Variants in TTC7A observed in about 807,000 individuals in gnomAD.
TTC7A encodes the protein tetratricopeptide repeat domain 7A.
TTC7A carries 110 observed loss-of-function variants against 103.7 expected under a neutral mutation model. The ratio of observed to expected loss-of-function variants is 1.06; its 90% CI spans 0.91 to 1.24. The LOEUF (loss-of-function observed/expected upper bound fraction) is 1.24. Ranked by LOEUF, TTC7A falls within the 50% of genes most tolerant of loss-of-function variation. TTC7A has a pLI of 0.00. For synonymous variants in TTC7A, 521 were observed against 467.9 expected (o/e 1.11, Z -1.47); for missense variants, 1,340 against 1,116.3 (o/e 1.20, Z -2.86).
intron 11 of TTC7A, among the ~76,000 whole-genome samples, chr2:47,014,919 C>A (rs1241176405): frequency 6.6e-6 from 1 of 152,276 alleles, no homozygotes; most frequent in Non-Finnish European, 1.5e-5. Context: ...CTGTTGGACA[C>A]CCCATACCGG....
chr2:47,014,942 G>C (rs72806580), intron 11 of TTC7A, among the ~76,000 whole-genome samples: 34,331 of 152,286 alleles, frequency 0.23, 4,050 homozygotes, highest in African/African-American at 0.29. Context: ...CTGGGTCTGA[G>C]AGCAAGGTTG....
intron 19 of TTC7A, among the ~76,000 whole-genome samples, chr2:47,070,039 G>A (rs543581504): frequency 1.5e-5 from 2 of 136,850 alleles, no homozygotes; most frequent in African/African-American, 5.7e-5. Flanking sequence ...CTGGCCTAGC[G>A]CCAAGGCTGC....
intron 14 of TTC7A, 120 bp downstream of exon 14, chr2:47,024,479 T>G: frequency 2.3e-6 from 2 of 868,042 alleles, no homozygotes; most frequent in Non-Finnish European, 3.5e-6. Flanking sequence ...GTTTGTTTCC[T>G]TATCTGTCAT....
intron 5 of TTC7A, among the ~76,000 whole-genome samples, chr2:46,982,659 A>G (rs1674590709): frequency 6.6e-6 from 1 of 152,154 alleles, no homozygotes; most frequent in South Asian, 2.1e-4. Context: ...CCACCCACCC[A>G]TCCACCAGGG....
intron 8 of TTC7A, among the ~76,000 whole-genome samples, chr2:47,001,592 C>T (rs890186382): frequency 6.6e-6 from 1 of 152,262 alleles, no homozygotes; most frequent in African/African-American, 2.4e-5. Context: ...AGCGGTGGCT[C>T]ACGCCTGTAA....
chr2:46,938,992 C>T (rs897482690), upstream of TTC7A, among the ~76,000 whole-genome samples: 116 of 139,290 alleles, frequency 8.3e-4, no homozygotes, highest in African/African-American at 2.9e-3. Flanking sequence ...GCCTGGGCAA[C>T]AGAGCGAGAC....
At chr2:47,036,686 G>T (rs72808509) in intron 15 of TTC7A, among the ~76,000 whole-genome samples, 3,248 of 152,244 alleles carry the variant, frequency 0.021, 49 homozygotes, top group Non-Finnish European at 0.035. Context: ...GCAAGACCTC[G>T]TCTGTACAAA....
chr2:47,008,019 G>A (rs970073132), intron 10 of TTC7A, among the ~76,000 whole-genome samples: 6 of 152,228 alleles, frequency 3.9e-5, no homozygotes, highest in Admixed American at 1.3e-4. Flanking sequence ...CGAGCTGGCC[G>A]TGGGGATGGG....
At chr2:47,005,872 C>A in intron 8 of TTC7A, 50 bp from the exon 9 acceptor site, 4 of 1,605,796 alleles carry the variant, frequency 2.5e-6, no homozygotes, top group Non-Finnish European at 3.4e-6. Flanking sequence ...AAGACAGACA[C>A]CTGCTTATCT....
In TTC7A at chr2:46,941,753, G is replaced by C. The variant is rs6755386; in HGVS notation, c.184+28G>C. On this transcript the variant is annotated intron_variant, in intron 1 of 19. Coordinates refer to ENST00000319190, the MANE Select transcript of TTC7A (RefSeq NM_020458.4). The surrounding 1 kb of genome is among the most constrained non-coding windows in gnomAD (Gnocchi z 4.2). Reference sequence around the variant, plus strand: ...GAGTAAGGGAAGAGGCTGGCTCGCCGGCAGCGAGCGCGCGAAACGCACCGC... The same window carrying C: ...GAGTAAGGGAAGAGGCTGGCTCGCCCGCAGCGAGCGCGCGAAACGCACCGC... 77,392 of 1,546,984 alleles carry C rather than the reference G, an allele frequency of 0.05. 2,195 individuals carry two copies. The highest frequency in any genetic ancestry group is 0.093 in the African/African-American group (6,779 of 73,020).
At chr2:47,045,507 T>C (rs1220127183) in intron 15 of TTC7A, 1 of 152,268 alleles carries the variant, frequency 6.6e-6, no homozygotes, top group African/African-American at 2.4e-5. Flanking sequence ...CCCACACTGG[T>C]CTTACCTCAG....
At chr2:46,942,746 T>A (rs146831893) in intron 1 of TTC7A, among the ~76,000 whole-genome samples, 7 of 152,168 alleles carry the variant, frequency 4.6e-5, no homozygotes, top group Non-Finnish European at 8.8e-5. Flanking sequence ...TCTGAGTACA[T>A]CCTTTAAATC....
chr2:47,042,613 T>C (rs1573004449), intron 15 of TTC7A, among the ~76,000 whole-genome samples: 1 of 152,298 alleles, frequency 6.6e-6, no homozygotes, highest in South Asian at 2.1e-4. Flanking sequence ...CAAAGTATAT[T>C]TTGGGGTGGC....
chr2:47,053,366 A>G (rs1683029860), intron 18 of TTC7A, among the ~76,000 whole-genome samples: 1 of 152,232 alleles, frequency 6.6e-6, no homozygotes, highest in South Asian at 2.1e-4. Context: ...ATGGAGCCCC[A>G]GCCCCCACAG....
chr2:46,959,607 C>T (rs1358749749), intron 3 of TTC7A, among the ~76,000 whole-genome samples: 2 of 152,112 alleles, frequency 1.3e-5, no homozygotes, highest in Non-Finnish European at 2.9e-5. Flanking sequence ...TCGCCCCCAC[C>T]CTCAAAAGAC....
chr2:47,042,785 A>G (rs1286876624), intron 15 of TTC7A, among the ~76,000 whole-genome samples: 1 of 152,196 alleles, frequency 6.6e-6, no homozygotes, highest in African/African-American at 2.4e-5. Context: ...ACATAGGGAC[A>G]TCTTGGAGGA....
At chr2:47,023,537 AG>A in intron 13 of TTC7A, 72 bp downstream of exon 13, 1 of 1,482,426 alleles carries the variant, frequency 6.7e-7, no homozygotes, top group Admixed American at 1.7e-5. Flanking sequence ...TTACGTCATC[AG>A]ACCCTCTGAT....
At chr2:46,990,563 G>T (rs148634739) in intron 5 of TTC7A, among the ~76,000 whole-genome samples, 1 of 152,336 alleles carries the variant, frequency 6.6e-6, no homozygotes, top group African/African-American at 2.4e-5. Context: ...TGATCTTCAA[G>T]ACCCAAATTA....
intron 15 of TTC7A, among the ~76,000 whole-genome samples, chr2:47,031,783 G>C (rs1680571517): frequency 6.6e-6 from 1 of 152,220 alleles, no homozygotes; most frequent in Non-Finnish European, 1.5e-5. Context: ...TTTCTGCCAG[G>C]CTAAAGCAGC....
Sources: gnomAD v4.1 joint callset for allele counts (sites outside exome capture counted in the v4.1 genomes callset) on GRCh38, gnomAD v4.1.1 for gene constraint, Gnocchi (gnomAD v3.1) non-coding constraint, MANE v1.5 for transcripts, NCBI Gene and HGNC (gene_info 2026-07-23, HGNC 2026-07-21) for gene names.